Variants in SGCZ observed in about 807,000 individuals in gnomAD.
SGCZ encodes zeta-sarcoglycan.
SGCZ carries 40 observed loss-of-function variants against 41.3 expected under a neutral mutation model. That is an observed-to-expected ratio of 0.97 (90% CI 0.75 to 1.26). The LOEUF is 1.26. SGCZ is among the 50% of genes most tolerant of loss of function. SGCZ has a pLI of 0.00. For missense variants in SGCZ, 552 were observed against 369.8 expected (o/e 1.49, Z -4.04); for synonymous variants, 206 against 137.5 (o/e 1.50, Z -3.49).
intron 4 of SGCZ, among the ~76,000 whole-genome samples, chr8:14,226,138 C>T (rs889314509): frequency 5.3e-5 from 8 of 151,946 alleles, no homozygotes; most frequent in African/African-American, 1.9e-4. Flanking sequence ...ACCTGAAGTG[C>T]AGTATTTCCT....
At chr8:14,269,141 T>G (rs962984208) in intron 3 of SGCZ, among the ~76,000 whole-genome samples, 52 of 152,142 alleles carry the variant, frequency 3.4e-4, no homozygotes, top group African/African-American at 1.0e-3. Context: ...TTTCATAAAT[T>G]TGGGAATTAG....
At chr8:14,829,947 G>T (rs1020437007) in intron 1 of SGCZ, among the ~76,000 whole-genome samples, 7 of 152,188 alleles carry the variant, frequency 4.6e-5, no homozygotes, top group Middle Eastern at 3.4e-3. Flanking sequence ...GAGTAGCTGG[G>T]ACTACAGGCG....
At chr8:14,761,607 C>A (rs895704980) in intron 1 of SGCZ, among the ~76,000 whole-genome samples, 1 of 151,172 alleles carries the variant, frequency 6.6e-6, no homozygotes, top group Admixed American at 6.6e-5. Context: ...CTCACTGCCA[C>A]CTCCTCCTCT....
At chr8:14,904,682 C>T (rs4831314) in intron 1 of SGCZ, among the ~76,000 whole-genome samples, 92,976 of 151,702 alleles carry the variant, frequency 0.61, 29,934 homozygotes, top group African/African-American at 0.81. Context: ...AAGATTCATA[C>T]ACAGCATTCT....
chr8:14,465,943 G>A (rs1801036731), intron 2 of SGCZ, among the ~76,000 whole-genome samples: 1 of 151,860 alleles, frequency 6.6e-6, no homozygotes, highest in African/African-American at 2.4e-5. Flanking sequence ...AGACTAATAA[G>A]TTTTTAATGT....
At chr8:14,348,667 C>T (rs1242806383) in intron 2 of SGCZ, among the ~76,000 whole-genome samples, 1 of 152,034 alleles carries the variant, frequency 6.6e-6, no homozygotes, top group Non-Finnish European at 1.5e-5. Flanking sequence ...CCAAGGAACG[C>T]ACATTATAGT....
intron 1 of SGCZ, among the ~76,000 whole-genome samples, chr8:14,667,313 C>T (rs774535838): frequency 6.6e-5 from 10 of 152,226 alleles, no homozygotes; most frequent in East Asian, 1.9e-4. Context: ...CCTAGAGAAG[C>T]GGATGAATAA....
At chr8:14,431,777 T>C (rs1218429211) in intron 2 of SGCZ, among the ~76,000 whole-genome samples, 1 of 152,148 alleles carries the variant, frequency 6.6e-6, no homozygotes. Context: ...CTTCACAATC[T>C]ATACATCTGA....
chr8:15,031,935 C>CTCTCTG (rs1196694039), intron 1 of SGCZ, among the ~76,000 whole-genome samples: 24 of 148,124 alleles, frequency 1.6e-4, no homozygotes, highest in South Asian at 6.3e-4. Flanking sequence ...CTCTCTCTCT[C>CTCTCTG]TCTGTCTGTC....
chr8:14,671,025 G>A (rs1243598173), intron 1 of SGCZ, among the ~76,000 whole-genome samples: 4 of 152,202 alleles, frequency 2.6e-5, no homozygotes, highest in Non-Finnish European at 5.9e-5. Flanking sequence ...CTTCCTTGGT[G>A]TGCTGAAGCT....
chr8:15,088,367 C>T (rs1164755306), intron 1 of SGCZ, among the ~76,000 whole-genome samples: 2 of 152,220 alleles, frequency 1.3e-5, no homozygotes, highest in East Asian at 1.9e-4. Flanking sequence ...TGTCCAATTA[C>T]ATTAATTCTG....
At chr8:15,088,778 T>G (rs1360740914) in intron 1 of SGCZ, among the ~76,000 whole-genome samples, 1 of 152,154 alleles carries the variant, frequency 6.6e-6, no homozygotes, top group East Asian at 1.9e-4. Context: ...ACCATCAGTG[T>G]ATCATAAAAC....
chr8:14,124,571 C>A (rs1009835696), intron 5 of SGCZ, among the ~76,000 whole-genome samples: 1 of 152,060 alleles, frequency 6.6e-6, no homozygotes, highest in African/African-American at 2.4e-5. Flanking sequence ...ACTGTTTTAC[C>A]AAATTGATTA....
chr8:14,676,558 G>C (rs959128512), intron 1 of SGCZ, among the ~76,000 whole-genome samples: 2 of 152,120 alleles, frequency 1.3e-5, no homozygotes, highest in African/African-American at 2.4e-5. Flanking sequence ...TGATTTAACT[G>C]CCTCACAGGA....
intron 2 of SGCZ, among the ~76,000 whole-genome samples, chr8:14,398,389 G>T (rs948373516): frequency 1.1e-4 from 17 of 151,904 alleles, no homozygotes; most frequent in African/African-American, 3.9e-4. Flanking sequence ...TTTCCTCCTA[G>T]ATGTGAACTC....
chr8:14,245,286 C>T (rs563584568), intron 3 of SGCZ, among the ~76,000 whole-genome samples: 40 of 152,154 alleles, frequency 2.6e-4, no homozygotes, highest in African/African-American at 6.5e-4. Context: ...TCAGAAATAA[C>T]GCCGCATATC....
rs539136708 is a variant in SGCZ at position 14,334,341 on chromosome 8, A to G, written c.235-10137T>C. ...ATTGAGCCTATGACACATCACAACAATCCTGTAAAACTGACATATTTTTTT... is the reference window on the plus strand; with the variant it reads ...ATTGAGCCTATGACACATCACAACAGTCCTGTAAAACTGACATATTTTTTT... On this transcript the variant is annotated intron_variant, in intron 2 of 7. Transcript: ENST00000382080. 3.3e-5 allele frequency among the ~76,000 whole-genome samples: 5 copies of G among 152,158 alleles called. No individual in the cohort carries two copies. The South Asian group carries it at 8.3e-4, about 25-fold the overall frequency.
At chr8:14,532,139 A>G (rs1459191406) in intron 2 of SGCZ, among the ~76,000 whole-genome samples, 2 of 152,134 alleles carry the variant, frequency 1.3e-5, no homozygotes, top group African/African-American at 2.4e-5. Context: ...ATGGCATTTT[A>G]TGAAGACCTA....
chr8:14,792,276 T>C (rs966224464), intron 1 of SGCZ, among the ~76,000 whole-genome samples: 5 of 152,216 alleles, frequency 3.3e-5, no homozygotes, highest in African/African-American at 1.2e-4. Flanking sequence ...ATTAAGATGA[T>C]TTCAGAATCT....
Sources: allele counts gnomAD v4.1 joint callset (sites outside exome capture counted in the v4.1 genomes callset), GRCh38; gene constraint gnomAD v4.1.1; transcripts MANE v1.5; gene names NCBI Gene and HGNC (gene_info 2026-07-23, HGNC 2026-07-21).